The following GRIP1 variants were observed in gnomAD, a reference collection of about 807,000 sequenced individuals.
The protein encoded by GRIP1 is glutamate receptor interacting protein 1.
GRIP1 carries 45 observed loss-of-function variants against 129.9 expected under a neutral mutation model. The ratio of observed to expected loss-of-function variants is 0.35; its 90% CI spans 0.27 to 0.44. The LOEUF (loss-of-function observed/expected upper bound fraction) is 0.44. GRIP1 is among the 20% of genes least tolerant of loss of function. GRIP1 has a pLI of 1.00. For synonymous variants in GRIP1, 530 were observed against 520.8 expected, an observed-to-expected ratio of 1.02 and a Z score of -0.24; for missense variants, 1,196 against 1,396.8, an observed-to-expected ratio of 0.86 and a Z score of 2.29.
At chr12:66,580,186 A>C (rs540273790) in intron 2 of GRIP1, among the ~76,000 whole-genome samples, 127 of 148,036 alleles carry the variant, frequency 8.6e-4, no homozygotes, top group African/African-American at 2.7e-3. Flanking sequence ...GAAATAAAAT[A>C]CTTTACAGAC....
intron 2 of GRIP1, chr12:66,569,075 C>T (rs1006437118): frequency 4.2e-6 from 1 of 239,036 alleles, no homozygotes; most frequent in Non-Finnish European, 8.4e-6. Context: ...ATTGATTCCA[C>T]CATGCTATTT....
chr12:66,397,786 G>A (rs540087200), intron 16 of GRIP1, among the ~76,000 whole-genome samples: 2 of 152,296 alleles, frequency 1.3e-5, no homozygotes, highest in Non-Finnish European at 2.9e-5. Flanking sequence ...GATGAAGCAA[G>A]GTTGGTTGTA....
chr12:66,388,496 T>G (rs1351528351), intron 19 of GRIP1, among the ~76,000 whole-genome samples: 1 of 152,216 alleles, frequency 6.6e-6, no homozygotes, highest in African/African-American at 2.4e-5. Context: ...TATTGACCTT[T>G]GCTAAATCCA....
intron 5 of GRIP1, among the ~76,000 whole-genome samples, chr12:66,526,150 A>C (rs961465843): frequency 1.7e-4 from 26 of 151,466 alleles, no homozygotes; most frequent in African/African-American, 6.3e-4. Context: ...GCTACCAATG[A>C]CTTTCTTCAC....
At chr12:66,458,263 C>T (rs12371846) in intron 9 of GRIP1, among the ~76,000 whole-genome samples, 18,860 of 152,190 alleles carry the variant, frequency 0.12, 1,246 homozygotes, top group Non-Finnish European at 0.16. Context: ...TTCATCTAGG[C>T]CACTGTAACA....
At chr12:66,661,588 T>C (rs897572601) in intron 1 of GRIP1, among the ~76,000 whole-genome samples, 2 of 152,110 alleles carry the variant, frequency 1.3e-5, no homozygotes, top group Non-Finnish European at 2.9e-5. Flanking sequence ...CTCAGAGGGC[T>C]TCCATATGAA....
chr12:66,995,789 G>C (rs145278608), intron 1 of GRIP1, among the ~76,000 whole-genome samples: 1 of 152,246 alleles, frequency 6.6e-6, no homozygotes, highest in Non-Finnish European at 1.5e-5. Context: ...GTTAAACACA[G>C]CTACCATATG....
intron 16 of GRIP1, among the ~76,000 whole-genome samples, chr12:66,401,090 GA>G (rs2056970532): frequency 6.6e-6 from 1 of 152,156 alleles, no homozygotes; most frequent in Non-Finnish European, 1.5e-5. Context: ...AGAAGCTCCT[GA>G]AGGCAGGAGG....
chr12:66,978,449 C>T (rs1390692442), intron 1 of GRIP1, among the ~76,000 whole-genome samples: 1 of 152,138 alleles, frequency 6.6e-6, no homozygotes, highest in Non-Finnish European at 1.5e-5. Context: ...CTATTTTTGA[C>T]CATATAATTT....
At chr12:66,543,866 T>C (rs2061864798) in intron 2 of GRIP1, among the ~76,000 whole-genome samples, 1 of 152,164 alleles carries the variant, frequency 6.6e-6, no homozygotes, top group Admixed American at 6.5e-5. Context: ...TTTTTTTAAG[T>C]GCTTATCTTA....
intron 1 of GRIP1, among the ~76,000 whole-genome samples, chr12:66,896,489 A>AAAACAAAAAAAAAAAAAC (rs779483048): frequency 6.7e-6 from 1 of 149,594 alleles, no homozygotes; most frequent in South Asian, 2.1e-4. Context: ...TGAAAAAAAA[A>AAAACAAAAAAAAAAAAAC]AAAAAAACTT....
At chr12:66,923,885 T>C (rs1462134055) in intron 1 of GRIP1, among the ~76,000 whole-genome samples, 2 of 152,122 alleles carry the variant, frequency 1.3e-5, no homozygotes, top group African/African-American at 4.8e-5. Flanking sequence ...GCTCTTGTTG[T>C]CCACGCTGGA....
chr12:66,719,574 C>T (rs1366311729), intron 1 of GRIP1, among the ~76,000 whole-genome samples: 1 of 152,166 alleles, frequency 6.6e-6, no homozygotes, highest in Non-Finnish European at 1.5e-5. Context: ...CCTTATAACT[C>T]ATCTTTTTCC....
intron 1 of GRIP1, among the ~76,000 whole-genome samples, chr12:66,949,929 C>T (rs777326877): frequency 5.3e-5 from 8 of 151,894 alleles, no homozygotes; most frequent in South Asian, 2.1e-4. Context: ...CCACCACGCC[C>T]GGCTAATTTT....
intron 7 of GRIP1, among the ~76,000 whole-genome samples, chr12:66,473,326 G>C (rs966012347): frequency 7.2e-5 from 11 of 152,354 alleles, no homozygotes; most frequent in Middle Eastern, 3.4e-3. Context: ...ACCAGCCCCA[G>C]TCAGGAGCTT....
At chr12:66,619,473 T>C (rs2065178591) in intron 1 of GRIP1, among the ~76,000 whole-genome samples, 1 of 152,124 alleles carries the variant, frequency 6.6e-6, no homozygotes, top group Non-Finnish European at 1.5e-5. Context: ...TTCTTTCCTC[T>C]TAGTGGCACC....
intron 2 of GRIP1, among the ~76,000 whole-genome samples, chr12:66,585,565 G>A (rs1471913525): frequency 1.1e-4 from 15 of 142,738 alleles, no homozygotes; most frequent in African/African-American, 2.1e-4. Flanking sequence ...ATAAAAATAC[G>A]TGTGCATGTG....
chr12:66,856,139 T>C (rs929157938), intron 1 of GRIP1, among the ~76,000 whole-genome samples: 2 of 152,062 alleles, frequency 1.3e-5, no homozygotes, highest in Admixed American at 1.3e-4. Flanking sequence ...CCCTATTTAA[T>C]AAATGGTGCT....
chr12:66,967,964 A>G (rs2042020404), intron 1 of GRIP1, among the ~76,000 whole-genome samples: 1 of 152,180 alleles, frequency 6.6e-6, no homozygotes, highest in African/African-American at 2.4e-5. Context: ...CTGACTGATA[A>G]TGCTATTCAA....
Sources: allele counts gnomAD v4.1 joint callset (sites outside exome capture counted in the v4.1 genomes callset), GRCh38; gene constraint gnomAD v4.1.1; transcripts MANE v1.5; gene names NCBI Gene and HGNC (gene_info 2026-07-23, HGNC 2026-07-21).